Variants in WWOX observed in about 807,000 individuals in gnomAD.
The protein encoded by WWOX is WW domain containing oxidoreductase.
A neutral mutation model predicts 46.2 loss-of-function variants in WWOX; 69 were observed. That is an observed-to-expected ratio of 1.49 (90% CI 1.23 to 1.82). WWOX has a LOEUF of 1.82. WWOX is among the 40% of genes most tolerant of loss of function. The pLI is 0.00. For missense variants in WWOX, 919 were observed against 542.6 expected, an observed-to-expected ratio of 1.69 and a Z score of -6.89; for synonymous variants, 359 against 202.6, an observed-to-expected ratio of 1.77 and a Z score of -6.56.
intron 8 of WWOX, among the ~76,000 whole-genome samples, chr16:79,099,760 A>G (rs1230868516): frequency 2.0e-5 from 3 of 152,346 alleles, no homozygotes; most frequent in Non-Finnish European, 2.9e-5. Context: ...CTTCTAATGA[A>G]AAGATATTTG....
chr16:79,075,285 C>G (rs2048633494), intron 8 of WWOX, among the ~76,000 whole-genome samples: 1 of 152,132 alleles, frequency 6.6e-6, no homozygotes, highest in African/African-American at 2.4e-5. Flanking sequence ...CGTTTTTTAA[C>G]CCATTGTAAA....
Position 78,541,523 on chromosome 16 carries a change from A to T in WWOX, c.1056+108771A>T, listed in dbSNP as rs1053588883. Among the ~76,000 whole-genome samples the T allele has an allele frequency of 2.1e-5, 3 of 145,182 alleles. No individual in the cohort carries two copies. The South Asian group carries it at 6.7e-4, about 32-fold the overall frequency. On this transcript the variant is annotated intron_variant, in intron 8 of 8. Transcript: ENST00000566780. ...AAAAAAAAAGACACGTACACAGACA[A>T]ATGTTCTGACAGAAATACACTGAGA...
At chr16:78,886,883 A>G (rs1216455956) in intron 8 of WWOX, among the ~76,000 whole-genome samples, 1 of 152,122 alleles carries the variant, frequency 6.6e-6, no homozygotes, top group Non-Finnish European at 1.5e-5. Context: ...GCACAGATAC[A>G]GGGGCAAGGC....
intron 8 of WWOX, among the ~76,000 whole-genome samples, chr16:79,018,409 C>G (rs775397886): frequency 1.6e-4 from 24 of 152,136 alleles, no homozygotes; most frequent in Non-Finnish European, 2.8e-4. Context: ...AATTTGTGAG[C>G]AATCAGATAC....
At chr16:79,200,063 G>C (rs2051316607) in intron 8 of WWOX, among the ~76,000 whole-genome samples, 1 of 152,174 alleles carries the variant, frequency 6.6e-6, no homozygotes, top group Non-Finnish European at 1.5e-5. Context: ...CCTCACCTGA[G>C]CCCTGCCAGC....
rs140682471 is a variant in WWOX, at chr16:79,165,673, A to G, written c.1057-45935A>G. On this transcript the variant is annotated intron_variant, in intron 8 of 8. Coordinates refer to ENST00000566780, the MANE Select transcript of WWOX (RefSeq NM_016373.4). ...TACAGCTGGTTTTACGCAGAGAAGT[A>G]GCACACAAACCCAGTCCATGATTTC... Among the ~76,000 whole-genome samples the G allele has an allele frequency of 3.3e-5, 5 of 152,274 alleles. No individual in the cohort carries two copies. The East Asian group carries it at 9.7e-4, about 29-fold the overall frequency.
At chr16:78,687,375 C>G (rs1384562358) in intron 8 of WWOX, among the ~76,000 whole-genome samples, 1 of 152,176 alleles carries the variant, frequency 6.6e-6, no homozygotes, top group Non-Finnish European at 1.5e-5. Context: ...ATGCGAAAGT[C>G]CTTCATTTTC....
chr16:78,463,001 G>T lies in WWOX; in HGVS notation c.1056+30249G>T, dbSNP rs139281318. Among the ~76,000 whole-genome samples, 246 of 152,288 alleles carry T rather than the reference G, an allele frequency of 1.6e-3. 1 individual carries two copies. Among genetic ancestry groups the T allele is most frequent in the African/African-American group, 5.4e-3 (224 of 41,568 alleles). On this transcript the variant is annotated intron_variant, in intron 8 of 8. Transcript: ENST00000566780. ...GTCCTCTGATCTCTCCTCTTTGCAGGCGCAGTGACATTTATGCACACTGGC... is the reference window on the plus strand; with the variant it reads ...GTCCTCTGATCTCTCCTCTTTGCAGTCGCAGTGACATTTATGCACACTGGC...
intron 8 of WWOX, among the ~76,000 whole-genome samples, chr16:79,009,474 C>CT (rs550493575): frequency 7.6e-4 from 110 of 144,080 alleles, no homozygotes; most frequent in South Asian, 3.8e-3. Flanking sequence ...ATCAAATTTT[C>CT]TTTTTTTTTT....
chr16:79,157,488 T>G (rs578138799), intron 8 of WWOX, among the ~76,000 whole-genome samples: 1 of 152,166 alleles, frequency 6.6e-6, no homozygotes, highest in South Asian at 2.1e-4. Flanking sequence ...AAAGGAAGGT[T>G]GAACTAGAAT....
At chr16:78,819,470 C>G (rs1209449816) in intron 8 of WWOX, among the ~76,000 whole-genome samples, 1 of 152,168 alleles carries the variant, frequency 6.6e-6, no homozygotes, top group South Asian at 2.1e-4. Context: ...AGTTACCACC[C>G]TTTTTCTAGA....
chr16:78,796,454 T>G (rs537444180), intron 8 of WWOX, among the ~76,000 whole-genome samples: 2 of 152,328 alleles, frequency 1.3e-5, no homozygotes, highest in East Asian at 3.9e-4. Flanking sequence ...AGTCACATGA[T>G]CACAACCAAC....
intron 8 of WWOX, among the ~76,000 whole-genome samples, chr16:78,912,315 G>T (rs1033597473): frequency 6.6e-6 from 1 of 151,974 alleles, no homozygotes; most frequent in Non-Finnish European, 1.5e-5. Context: ...TGCACCTTAT[G>T]TGTGTTATTT....
In WWOX at chr16:78,350,291, T is replaced by C. The variant is rs769836481; in HGVS notation, c.517-36569T>C. On this transcript the variant is annotated intron_variant, in intron 5 of 8. Transcript: ENST00000566780. ...ATTTTCTCAAGCTACTTTATTGATA[T>C]ATAACACAGATACATAAACTTTGCC... is the stretch of plus-strand genomic sequence containing the variant. 4.9e-5 allele frequency among the ~76,000 whole-genome samples: 6 copies of C among 121,788 alleles called. 1 individual carries two copies. The highest frequency in any genetic ancestry group is 1.4e-4 in the African/African-American group (5 of 35,946). The allele number at this position is 121,788 out of a possible 152,430, so 79.9% of individuals were successfully genotyped here.
chr16:78,174,515 C>G (rs1365051757), intron 5 of WWOX, among the ~76,000 whole-genome samples: 1 of 152,204 alleles, frequency 6.6e-6, no homozygotes, highest in Non-Finnish European at 1.5e-5. Flanking sequence ...CCCCAGCCCT[C>G]CAAAATTCAT....
At chr16:79,086,430 C>G (rs1484632256) in intron 8 of WWOX, among the ~76,000 whole-genome samples, 1 of 152,166 alleles carries the variant, frequency 6.6e-6, no homozygotes, top group Non-Finnish European at 1.5e-5. Flanking sequence ...GGGTATTGAG[C>G]TCTAATTTAC....
Position 78,570,519 on chromosome 16 carries a change from G to T in WWOX, c.1056+137767G>T, listed in dbSNP as rs373468674. Among the ~76,000 whole-genome samples, 96 of 152,048 alleles carry T rather than the reference G, an allele frequency of 6.3e-4. No individual in the cohort carries two copies. In the South Asian group the frequency reaches 9.4e-3, roughly 15 times the overall value. On this transcript the variant is annotated intron_variant, in intron 8 of 8. Transcript: ENST00000566780. ...TTATAGAGATGCAGTATCGCTTGTT[G>T]CTCAGGCTGGTCTCATATGCCTGGA... is the stretch of plus-strand genomic sequence containing the variant.
At chr16:78,710,953 C>T (rs1283926448) in intron 8 of WWOX, among the ~76,000 whole-genome samples, 2 of 152,106 alleles carry the variant, frequency 1.3e-5, no homozygotes, top group East Asian at 1.9e-4. Context: ...TTTCTTTTCA[C>T]ATTTTGTTTT....
chr16:78,234,277 A>G (rs2037365477), intron 5 of WWOX, among the ~76,000 whole-genome samples: 1 of 152,198 alleles, frequency 6.6e-6, no homozygotes, highest in Non-Finnish European at 1.5e-5. Flanking sequence ...CTAGGTTATT[A>G]TACTTTTATG....
Sources: allele counts gnomAD v4.1 joint callset (sites outside exome capture counted in the v4.1 genomes callset), GRCh38; gene constraint gnomAD v4.1.1; transcripts MANE v1.5; gene names NCBI Gene and HGNC (gene_info 2026-07-23, HGNC 2026-07-21).